CTTNBP2: variants seen among roughly 807,000 people sequenced by gnomAD.
CTTNBP2 encodes cortactin-binding protein 2.
Under a neutral mutation model 156.9 loss-of-function variants are expected in CTTNBP2, and 108 were observed. The observed-to-expected ratio is 0.69, with a 90% CI of 0.59 to 0.81. The LOEUF is 0.81. CTTNBP2 is among the 30% of genes least tolerant of loss of function. The pLI is 0.00. For missense variants in CTTNBP2, 1,924 were observed against 2,035.4 expected (o/e 0.95, Z 1.05); for synonymous variants, 767 against 751.8 (o/e 1.02, Z -0.33).
rs1198825649 is a variant in CTTNBP2, at chr7:117,757,953, C to T, written c.3190G>A (p.Val1064Met). 4.3e-6 allele frequency: 7 copies of T among 1,613,122 alleles called. No homozygotes were observed. The highest frequency in any genetic ancestry group is 5.9e-6 in the Non-Finnish European group (7 of 1,179,608). The change falls in exon 11 of 23, where the codon GTG (valine) becomes ATG (methionine). Residue 1064 changes from valine to methionine, a missense_variant. Physicochemically the swap from Val to Met is conservative, Grantham distance 21. Coordinates refer to ENST00000160373, the MANE Select transcript of CTTNBP2 (RefSeq NM_033427.3). ...GGGGACTGCGCGAAGCTCTGACCCA[C>T]TGACCACGGCACATTTCCTAGTTTC... is the stretch of plus-strand genomic sequence containing the variant. ...SITLGNVPWS[V>M]GQSFAQSPWD...
intron 12 of CTTNBP2, among the ~76,000 whole-genome samples, chr7:117,749,039 G>T (rs1388982988): frequency 6.6e-6 from 1 of 152,144 alleles, no homozygotes; most frequent in Admixed American, 6.5e-5. Context: ...CCCTGGAACT[G>T]TGAGAAATAC....
chr7:117,795,260 A>G (rs916829253), intron 3 of CTTNBP2, among the ~76,000 whole-genome samples: 2 of 152,156 alleles, frequency 1.3e-5, no homozygotes, highest in African/African-American at 4.8e-5. Flanking sequence ...ATTATTAACT[A>G]AAACACATTG....
intron 3 of CTTNBP2, among the ~76,000 whole-genome samples, chr7:117,806,744 A>ATTTTTTTTTTT (rs3059529): frequency 8.4e-6 from 1 of 119,226 alleles, no homozygotes; most frequent in Non-Finnish European, 1.7e-5. Flanking sequence ...TCTTTTTCTC[A>ATTTTTTTTTTT]TTTTTTTTTT....
chr7:117,778,059 A>G (rs1022962730), intron 7 of CTTNBP2, among the ~76,000 whole-genome samples: 3 of 152,218 alleles, frequency 2.0e-5, no homozygotes, highest in Non-Finnish European at 4.4e-5. Flanking sequence ...AGCATTATGT[A>G]TGGTAAATCA....
intron 2 of CTTNBP2, among the ~76,000 whole-genome samples, chr7:117,817,357 A>ATATATAT (rs1282725521): frequency 7.9e-4 from 26 of 32,976 alleles, no homozygotes; most frequent in African/African-American, 2.4e-3. Context: ...AAAAAAAAAA[A>ATATATAT]AAAAATATAT....
At chr7:117,724,005 C>T (rs889562641) in intron 19 of CTTNBP2, among the ~76,000 whole-genome samples, 1 of 152,034 alleles carries the variant, frequency 6.6e-6, no homozygotes, top group Admixed American at 6.6e-5. Flanking sequence ...TCTGGGATTA[C>T]AGGTATGAGC....
At position 117,791,838 on chromosome 7, in the gene CTTNBP2, T is replaced by C. The variant is rs1799035772; in HGVS notation, c.1358A>G (p.Gln453Arg). Reference protein sequence around the residue: ...PRIQAARFRFQGNANDPDQNG... With the variant: ...PRIQAARFRFRGNANDPDQNG... ...TTGGTCTGGGTCGTTAGCATTGCCC[T>C]GAAATCTAAATCTAGCTGCTTGGAT... The change falls in exon 4 of 23, where the codon CAG becomes CGG. Residue 453 changes from glutamine (Q) to arginine (R), a missense_variant. Gln to Arg is a conservative substitution (Grantham distance 43). Coordinates refer to ENST00000160373, the MANE Select transcript of CTTNBP2 (RefSeq NM_033427.3). 7 of 1,614,094 alleles carry C rather than the reference T, an allele frequency of 4.3e-6. No individual in the cohort carries two copies. Among genetic ancestry groups the C allele is most frequent in the African/African-American group, 1.3e-5 (1 of 74,930 alleles).
At chr7:117,715,997 G>A (rs1794334284) in intron 22 of CTTNBP2, 1 of 151,914 alleles carries the variant, frequency 6.6e-6, no homozygotes, top group Admixed American at 6.6e-5. Flanking sequence ...CCCTCTGCTG[G>A]CACTTTCTGA....
chr7:117,785,758 T>G (rs1798673675), intron 4 of CTTNBP2, among the ~76,000 whole-genome samples: 1 of 152,242 alleles, frequency 6.6e-6, no homozygotes, highest in Admixed American at 6.5e-5. Context: ...AAAAGAAAAT[T>G]AAAACCATAT....
chr7:117,795,727 C>T (rs1799277950), intron 3 of CTTNBP2, among the ~76,000 whole-genome samples: 1 of 152,200 alleles, frequency 6.6e-6, no homozygotes, highest in Non-Finnish European at 1.5e-5. Context: ...GAAAACTATA[C>T]TATTATAAAA....
rs143692800 is a variant in CTTNBP2, at chr7:117,767,177, C to T, written c.2779-1G>A. 1 of 1,551,388 alleles carries T rather than the reference C, an allele frequency of 6.4e-7. No homozygotes were observed. The highest frequency in any genetic ancestry group is 8.9e-7 in the Non-Finnish European group (1 of 1,122,816). On this transcript the variant is annotated splice_acceptor_variant, in intron 8 of 22. Coordinates refer to ENST00000160373, the MANE Select transcript of CTTNBP2 (RefSeq NM_033427.3). LOFTEE classifies it high-confidence loss of function. ...GCCTACACAAGATTTCTAGGCAGTT[C>T]TATAAAGACAAGAGCTCTATTACCT...
chr7:117,842,864 T>C (rs1802358347), intron 2 of CTTNBP2, among the ~76,000 whole-genome samples: 1 of 152,222 alleles, frequency 6.6e-6, no homozygotes, highest in Non-Finnish European at 1.5e-5. Flanking sequence ...AAATACTTAT[T>C]GAGCCAGGTA....
intron 8 of CTTNBP2, among the ~76,000 whole-genome samples, chr7:117,772,341 T>C (rs1304485444): frequency 1.3e-5 from 2 of 152,164 alleles, no homozygotes; most frequent in African/African-American, 4.8e-5. Flanking sequence ...AATCTAGAGT[T>C]GTGTTGATCA....
At chr7:117,772,348 A>C (rs960854402) in intron 8 of CTTNBP2, among the ~76,000 whole-genome samples, 7 of 152,186 alleles carry the variant, frequency 4.6e-5, no homozygotes, top group African/African-American at 1.7e-4. Flanking sequence ...AGTTGTGTTG[A>C]TCATTTGAGT....
At chr7:117,786,315 A>T (rs1798696796) in intron 4 of CTTNBP2, 1 of 332,178 alleles carries the variant, frequency 3.0e-6, no homozygotes, top group South Asian at 2.5e-5. Flanking sequence ...ATTTATCTAA[A>T]CTTTATGATA....
chr7:117,825,276 C>T (rs1014137466), intron 2 of CTTNBP2, among the ~76,000 whole-genome samples: 16 of 152,228 alleles, frequency 1.1e-4, no homozygotes, highest in African/African-American at 3.9e-4. Flanking sequence ...GGAAAAGTCT[C>T]TCATCGTCTG....
chr7:117,789,432 C>T (rs1004138747), intron 4 of CTTNBP2, among the ~76,000 whole-genome samples: 28 of 152,266 alleles, frequency 1.8e-4, no homozygotes, highest in African/African-American at 6.5e-4. Context: ...ATTTCTGGAA[C>T]TTGTGTTTTG....
At chr7:117,735,542 C>T (rs1795641220) in intron 14 of CTTNBP2, 121 bp from the exon 15 acceptor site, 1 of 811,336 alleles carries the variant, frequency 1.2e-6, no homozygotes, top group Admixed American at 2.7e-5. Flanking sequence ...TGGGAATGTT[C>T]TTAAATTGCT....
chr7:117,849,350 C>T (rs570407259), intron 2 of CTTNBP2, among the ~76,000 whole-genome samples: 2 of 152,320 alleles, frequency 1.3e-5, no homozygotes, highest in Non-Finnish European at 2.9e-5. Flanking sequence ...GCTTTATCCC[C>T]AGAGTTTCTG....
Sources: gnomAD v4.1 joint callset for allele counts (sites outside exome capture counted in the v4.1 genomes callset) on GRCh38, gnomAD v4.1.1 for gene constraint, MANE v1.5 for transcripts, NCBI Gene and HGNC (gene_info 2026-07-23, HGNC 2026-07-21) for gene names.